Variants in SLC26A7 observed in about 807,000 individuals in gnomAD.
SLC26A7 encodes the protein solute carrier family 26 member 7.
A neutral mutation model predicts 82.5 loss-of-function variants in SLC26A7; 59 were observed. The observed-to-expected ratio is 0.72, with a 90% confidence interval of 0.58 to 0.89. The LOEUF is 0.89. SLC26A7 is among the 40% of genes least tolerant of loss of function. SLC26A7 has a pLI of 0.00. For synonymous variants in SLC26A7, 271 were observed against 274.3 expected (o/e 0.99, Z 0.12); for missense variants, 820 against 793.0 (o/e 1.03, Z -0.41).
chr8:91,300,363 T>C (rs1812128604), intron 4 of SLC26A7, among the ~76,000 whole-genome samples: 1 of 152,166 alleles, frequency 6.6e-6, no homozygotes, highest in South Asian at 2.1e-4. Context: ...ATTCTTTTAG[T>C]ATTTGAATTA....
chr8:91,381,448 T>C (rs1814668327), intron 15 of SLC26A7, among the ~76,000 whole-genome samples: 1 of 152,128 alleles, frequency 6.6e-6, no homozygotes, highest in Non-Finnish European at 1.5e-5. Flanking sequence ...TTGTGGCAAA[T>C]TTACTTTTAC....
At chr8:91,230,447 C>T (rs998562970) in intron 2 of SLC26A7, among the ~76,000 whole-genome samples, 1 of 152,182 alleles carries the variant, frequency 6.6e-6, no homozygotes, top group African/African-American at 2.4e-5. Context: ...AGCTCCCATG[C>T]TATTCCCACC....
At chr8:91,217,432 A>T (rs1462643666) in intron 1 of SLC26A7, among the ~76,000 whole-genome samples, 1 of 152,096 alleles carries the variant, frequency 6.6e-6, no homozygotes, top group Non-Finnish European at 1.5e-5. Context: ...CTGCTGCCTA[A>T]ATTGTGTCTT....
At chr8:91,260,848 A>G (rs1810942949) in intron 2 of SLC26A7, among the ~76,000 whole-genome samples, 2 of 152,080 alleles carry the variant, frequency 1.3e-5, no homozygotes, top group South Asian at 4.1e-4. Context: ...GATTAGAAAT[A>G]CTGACCTTAG....
chr8:91,276,108 G>C (rs1455552150), intron 2 of SLC26A7, among the ~76,000 whole-genome samples: 3 of 152,052 alleles, frequency 2.0e-5, no homozygotes, highest in Non-Finnish European at 2.9e-5. Flanking sequence ...CATCCCACAT[G>C]CATGGTGTGA....
intron 2 of SLC26A7, among the ~76,000 whole-genome samples, chr8:91,238,695 G>A (rs1426623630): frequency 6.6e-6 from 1 of 151,676 alleles, no homozygotes; most frequent in African/African-American, 2.4e-5. Flanking sequence ...CTACAATCCC[G>A]GTTATGTTAA....
intron 9 of SLC26A7, among the ~76,000 whole-genome samples, chr8:91,345,963 T>A (rs1163424231): frequency 2.6e-5 from 4 of 152,152 alleles, no homozygotes; most frequent in Non-Finnish European, 5.9e-5. Context: ...ATTAATATGG[T>A]TGGGATAAAG....
At chr8:91,259,517 T>G (rs1810902134) in intron 2 of SLC26A7, among the ~76,000 whole-genome samples, 2 of 152,104 alleles carry the variant, frequency 1.3e-5, no homozygotes, top group African/African-American at 4.8e-5. Context: ...TTCCTCTCAT[T>G]GCACAGGATT....
intron 15 of SLC26A7, 89 bp downstream of exon 15, chr8:91,369,922 T>A (rs997740226): frequency 1.0e-6 from 1 of 957,832 alleles, no homozygotes; most frequent in African/African-American, 1.7e-5. Flanking sequence ...CTCCTCCTCA[T>A]CTGCCTCCCT....
At chr8:91,249,228 A>C (rs1431931449), upstream of SLC26A7, 2 of 152,918 alleles carry the variant, frequency 1.3e-5, no homozygotes, top group African/African-American at 4.8e-5. Context: ...CACTTCCAAC[A>C]CACGCCCAGA....
chr8:91,387,717 A>G (rs4380890), intron 15 of SLC26A7, among the ~76,000 whole-genome samples: 7,690 of 152,246 alleles, frequency 0.051, 272 homozygotes, highest in African/African-American at 0.1. Context: ...GTAAATTCAC[A>G]TTTTTATTCA....
intron 10 of SLC26A7, among the ~76,000 whole-genome samples, chr8:91,352,327 TTCA>T (rs1813738991): frequency 6.6e-6 from 1 of 152,142 alleles, no homozygotes; most frequent in East Asian, 1.9e-4. Context: ...CACCTTCTTC[TTCA>T]TAAGCCTGAG....
At chr8:91,264,069 C>A (rs1477377057) in intron 2 of SLC26A7, among the ~76,000 whole-genome samples, 1 of 151,874 alleles carries the variant, frequency 6.6e-6, no homozygotes, top group Non-Finnish European at 1.5e-5. Flanking sequence ...CATGTTGCTC[C>A]GCTTTCCTAA....
chr8:91,275,141 A>AG (rs1230872066), intron 2 of SLC26A7, among the ~76,000 whole-genome samples: 1 of 152,244 alleles, frequency 6.6e-6, no homozygotes, highest in Non-Finnish European at 1.5e-5. Flanking sequence ...AAAACGGCAT[A>AG]GGAAAAGATA....
chr8:91,326,944 T>C (rs1408794591), intron 5 of SLC26A7, among the ~76,000 whole-genome samples: 2 of 152,102 alleles, frequency 1.3e-5, no homozygotes, highest in Non-Finnish European at 2.9e-5. Context: ...TGTTTGTTCT[T>C]CTCTCCTGTC....
At chr8:91,328,225 T>A (rs1812986682) in intron 5 of SLC26A7, among the ~76,000 whole-genome samples, 5 of 152,072 alleles carry the variant, frequency 3.3e-5, no homozygotes, top group Middle Eastern at 3.2e-3. Flanking sequence ...TTTTTAGAAA[T>A]TCACGGCAGT....
At chr8:91,377,151 T>C (rs1425192625) in intron 15 of SLC26A7, among the ~76,000 whole-genome samples, 1 of 152,102 alleles carries the variant, frequency 6.6e-6, no homozygotes, top group African/African-American at 2.4e-5. Flanking sequence ...TCAATAGTGG[T>C]GGAGCTGCCA....
intron 2 of SLC26A7, among the ~76,000 whole-genome samples, chr8:91,219,846 C>T (rs1331167882): frequency 6.6e-6 from 1 of 152,126 alleles, no homozygotes; most frequent in Non-Finnish European, 1.5e-5. Context: ...TTGAGAACCA[C>T]AGGATAGACT....
Position 91,338,216 on chromosome 8 carries a change from G to A in SLC26A7, c.862G>A (p.Gly288Ser), listed in dbSNP as rs1234165346. Residue 288 changes from glycine (G) to serine (S), a missense_variant, in exon 7 of 19, where the codon GGT becomes AGT. By Grantham distance (56) the Gly-to-Ser change is moderately conservative. Coordinates refer to ENST00000276609, the MANE Select transcript of SLC26A7 (RefSeq NM_052832.4). ...MENTYGLEVVGHIPQGIPSPR... is the reference protein window; with the variant it reads ...MENTYGLEVVSHIPQGIPSPR... ...AAACACATATGGATTAGAAGTAGTTGGTCATATTCCACAAGGGTAATGTAG... is the reference window on the plus strand; with the variant it reads ...AAACACATATGGATTAGAAGTAGTTAGTCATATTCCACAAGGGTAATGTAG... 1 of 1,604,662 alleles carries A rather than the reference G, an allele frequency of 6.2e-7. No individual in the cohort carries two copies. The highest frequency in any genetic ancestry group is 8.5e-7 in the Non-Finnish European group (1 of 1,176,526).
Sources: allele counts gnomAD v4.1 joint callset (sites outside exome capture counted in the v4.1 genomes callset), GRCh38; gene constraint gnomAD v4.1.1; transcripts MANE v1.5; gene names NCBI Gene and HGNC (gene_info 2026-07-23, HGNC 2026-07-21).